Variants in TMEM260 observed in about 807,000 individuals in gnomAD.
The protein encoded by TMEM260 is protein O-mannosyl-transferase TMEM260.
TMEM260 carries 82 observed loss-of-function variants against 88.9 expected under a neutral mutation model. The observed-to-expected ratio is 0.92, with a 90% CI of 0.77 to 1.11. The LOEUF (loss-of-function observed/expected upper bound fraction) is 1.11, where lower values mean the gene tolerates loss of function less well. Among genes scored for constraint, TMEM260 ranks in the 50% least tolerant of loss-of-function variants. TMEM260 has a pLI of 0.00. For missense variants in TMEM260, 902 were observed against 853.4 expected (o/e 1.06, Z -0.71); for synonymous variants, 314 against 309.3 (o/e 1.02, Z -0.16).
intron 3 of TMEM260, among the ~76,000 whole-genome samples, chr14:56,586,781 TAATA>T (rs1033932958): frequency 2.6e-5 from 4 of 152,044 alleles, no homozygotes; most frequent in Non-Finnish European, 4.4e-5. Context: ...GTCAAAGTCA[TAATA>T]CTGCCCTTTA....
At chr14:56,661,506 A>G in the TMEM260 span, among the ~76,000 whole-genome samples, 1 of 139,690 alleles carries the variant, frequency 7.2e-6, no homozygotes, top group Non-Finnish European at 1.6e-5. Context: ...AAAGCAAGAA[A>G]GAAGGAAGGA....
intron 15 of TMEM260, among the ~76,000 whole-genome samples, chr14:56,639,705 G>T (rs147300471): frequency 2.0e-5 from 3 of 152,202 alleles, no homozygotes; most frequent in Non-Finnish European, 4.4e-5. Context: ...CCCAGGAAGC[G>T]CAAGGGGGCA....
chr14:56,638,345 A>C (rs1178438172), intron 15 of TMEM260: 1 of 152,148 alleles, frequency 6.6e-6, no homozygotes, highest in Non-Finnish European at 1.5e-5. Context: ...AAAGGGCTTT[A>C]AACTTGAAAA....
intron 7 of TMEM260, among the ~76,000 whole-genome samples, chr14:56,614,414 T>G (rs888972509): frequency 6.6e-6 from 1 of 152,046 alleles, no homozygotes; most frequent in Non-Finnish European, 1.5e-5. Flanking sequence ...TCAAATGTCA[T>G]ATCAATGTCT....
In TMEM260 at chr14:56,621,715, A is replaced by T. The variant is rs12589087; in HGVS notation, c.1398+13A>T. 0.064 allele frequency: 101,720 copies of T among 1,587,168 alleles called. 5,060 individuals are homozygous for T. Among genetic ancestry groups the T allele is most frequent in the African/African-American group, 0.25 (18,148 of 73,750 alleles). On this transcript the variant is annotated intron_variant, in intron 11 of 15. Coordinates refer to ENST00000261556, the MANE Select transcript of TMEM260 (RefSeq NM_017799.4). ...AGTGGATCAGGAAGTAAGTATATGA[A>T]AAATATACTTAGAATATAGCGATGA...
intron 5 of TMEM260, among the ~76,000 whole-genome samples, chr14:56,607,619 T>C (rs1288511930): frequency 1.3e-5 from 2 of 149,688 alleles, no homozygotes; most frequent in Non-Finnish European, 3.0e-5. Context: ...TTTGTTTGTG[T>C]GTATATATAC....
chr14:56,580,358 C>G (rs1885041925), intron 1 of TMEM260, among the ~76,000 whole-genome samples: 1 of 152,188 alleles, frequency 6.6e-6, no homozygotes, highest in Non-Finnish European at 1.5e-5. Flanking sequence ...TATCCTGGTC[C>G]TGAGTATTTA....
At chr14:56,598,262 C>A (rs1886367944) in intron 3 of TMEM260, among the ~76,000 whole-genome samples, 1 of 152,002 alleles carries the variant, frequency 6.6e-6, no homozygotes, top group South Asian at 2.1e-4. Flanking sequence ...GAAGGAAGAT[C>A]AAGAGCCAAA....
At position 56,602,348 on chromosome 14, in the gene TMEM260, G is replaced by T. The variant is rs142585330; in HGVS notation, c.345-1467G>T. Among the ~76,000 whole-genome samples, 985 of 152,204 alleles carry T rather than the reference G, an allele frequency of 6.5e-3. 10 individuals carry two copies. The highest frequency in any genetic ancestry group is 9.6e-3 in the Non-Finnish European group (653 of 67,992). On this transcript the variant is annotated intron_variant, in intron 3 of 15. Coordinates refer to ENST00000261556, the MANE Select transcript of TMEM260 (RefSeq NM_017799.4). ...GCTAGGCATAGGCATGTCTTATTAG[G>T]AAATTTTGATGAGCCTGACTAATTG... is the stretch of plus-strand genomic sequence containing the variant.
chr14:56,653,736 C>CAAAA (rs10522889), downstream of TMEM260, among the ~76,000 whole-genome samples: 99 of 66,558 alleles, frequency 1.5e-3, 8 homozygotes, highest in South Asian at 0.048. Flanking sequence ...CTCTTGTCTC[C>CAAAA]AAAACAAAAA....
intron 12 of TMEM260, 126 bp downstream of exon 12, chr14:56,625,656 T>C: frequency 1.5e-6 from 1 of 665,574 alleles, no homozygotes; most frequent in Non-Finnish European, 2.4e-6. Flanking sequence ...CTGGTGAGAT[T>C]ATCTTTGTAA....
rs1566553862 is a variant in TMEM260, at chr14:56,617,290, T to C, written c.1049T>C (p.Met350Thr). 6.3e-7 allele frequency: 1 copy of C among 1,589,650 alleles called. No individual in the cohort carries two copies. The highest frequency in any genetic ancestry group is 1.8e-5 in the Admixed American group (1 of 55,354). The change falls in exon 9 of 16, where the codon ATG becomes ACG. Residue 350 changes from methionine to threonine, a missense_variant. By Grantham distance (81) the Met-to-Thr change is moderately conservative. Transcript: ENST00000261556. ...ANLDISKPLF[M>T]GVVERFWMQS... ...TTAGATATTTCAAAACCACTTTTCA[T>C]GGGTGTGGTAAGTTTTACTTAGATA...
At chr14:56,640,029 C>T (rs1034212541) in intron 15 of TMEM260, among the ~76,000 whole-genome samples, 5 of 152,198 alleles carry the variant, frequency 3.3e-5, no homozygotes, top group East Asian at 3.9e-4. Flanking sequence ...AGGAGGCCTG[C>T]GTGCCTTCCT....
the TMEM260 span, among the ~76,000 whole-genome samples, chr14:56,662,420 C>T: frequency 1.6e-4 from 25 of 152,128 alleles, no homozygotes; most frequent in Non-Finnish European, 2.9e-4. Flanking sequence ...TGCGGCCTTT[C>T]GCAACCAGGA....
intron 11 of TMEM260, among the ~76,000 whole-genome samples, chr14:56,623,639 C>G (rs764417238): frequency 2.6e-5 from 4 of 152,146 alleles, no homozygotes; most frequent in Non-Finnish European, 4.4e-5. Context: ...TACAGTTATT[C>G]TCACATAGCA....
At chr14:56,643,694 C>G (rs1472055619) in intron 15 of TMEM260, among the ~76,000 whole-genome samples, 2 of 152,026 alleles carry the variant, frequency 1.3e-5, no homozygotes, top group African/African-American at 2.4e-5. Context: ...AAAGGGCATT[C>G]GATTAGGAAA....
chr14:56,596,638 C>T (rs934454973), intron 3 of TMEM260, among the ~76,000 whole-genome samples: 1 of 149,846 alleles, frequency 6.7e-6, no homozygotes, highest in African/African-American at 2.4e-5. Flanking sequence ...TGGTGCATGC[C>T]TGTAATCCCA....
intron 15 of TMEM260, among the ~76,000 whole-genome samples, chr14:56,642,420 A>G (rs1889666794): frequency 6.6e-6 from 1 of 152,350 alleles, no homozygotes; most frequent in South Asian, 2.1e-4. Context: ...TGGGTACATA[A>G]CAAAATGAAG....
intron 3 of TMEM260, among the ~76,000 whole-genome samples, chr14:56,601,734 T>A (rs1223344723): frequency 6.6e-6 from 1 of 152,184 alleles, no homozygotes; most frequent in African/African-American, 2.4e-5. Flanking sequence ...TCATGGTTTC[T>A]TATGAATTAA....
Sources: gnomAD v4.1 joint callset for allele counts (sites outside exome capture counted in the v4.1 genomes callset) on GRCh38, gnomAD v4.1.1 for gene constraint, MANE v1.5 for transcripts, NCBI Gene and HGNC (gene_info 2026-07-23, HGNC 2026-07-21) for gene names.